Variants in ING5 observed in about 807,000 individuals in gnomAD.
ING5 encodes inhibitor of growth family member 5.
A neutral mutation model predicts 37.4 loss-of-function variants in ING5; 17 were observed. That is an observed-to-expected ratio of 0.45 (90% CI 0.31 to 0.68). The LOEUF is 0.68. Among genes scored for constraint, ING5 ranks in the 30% least tolerant of loss-of-function variants. The probability of loss-of-function intolerance (pLI) is 0.05; values close to 1 mark genes in which losing one functional copy is unlikely to be tolerated. For missense variants in ING5, 233 were observed against 311.9 expected (o/e 0.75, Z 1.91); for synonymous variants, 123 against 116.6 (o/e 1.06, Z -0.36).
At chr2:241,698,164 G>GC (rs2069657927), upstream of ING5, among the ~76,000 whole-genome samples, 1 of 151,156 alleles carries the variant, frequency 6.6e-6, no homozygotes, top group Non-Finnish European at 1.5e-5. Flanking sequence ...AATGTATCGG[G>GC]CCCGCCGTGG....
At chr2:241,720,229 G>C (rs2070396140) in intron 5 of ING5, 1 of 1,231,646 alleles carries the variant, frequency 8.1e-7, no homozygotes, top group African/African-American at 1.6e-5. Flanking sequence ...CCTGCCCCTG[G>C]GCTCTGGAGT....
At chr2:241,720,161 C>T (rs1173226950) in intron 5 of ING5, 8 of 1,236,398 alleles carry the variant, frequency 6.5e-6, no homozygotes, top group East Asian at 6.3e-5. Flanking sequence ...CCTGCCGGGG[C>T]GGGAGTGTGC....
At chr2:241,723,964 C>A in intron 7 of ING5, 3 of 1,244,206 alleles carry the variant, frequency 2.4e-6, no homozygotes, top group South Asian at 2.8e-5. Flanking sequence ...GAGCTGAGAT[C>A]GCGCCACTGC....
upstream of ING5, chr2:241,701,897 C>T (rs951464208): frequency 3.0e-5 from 10 of 332,324 alleles, no homozygotes; most frequent in Non-Finnish European, 4.7e-5. Flanking sequence ...CCGCCCGGGC[C>T]CCGCAGCCCG....
chr2:241,713,477 TCTC>T (rs1174421236), intron 5 of ING5, among the ~76,000 whole-genome samples: 6 of 151,384 alleles, frequency 4.0e-5, no homozygotes. Context: ...TTCAAGCAGT[TCTC>T]CTGCCTGAGC....
At chr2:241,703,942 G>T (rs1457036252) in intron 1 of ING5, among the ~76,000 whole-genome samples, 2 of 152,130 alleles carry the variant, frequency 1.3e-5, no homozygotes, top group Non-Finnish European at 2.9e-5. Context: ...ATAAAGTCGC[G>T]TGGGCAGCGT....
chr2:241,696,445 AAGT>A (rs1346909329), intron 2 of ING5, among the ~76,000 whole-genome samples: 1 of 151,964 alleles, frequency 6.6e-6, no homozygotes, highest in Non-Finnish European at 1.5e-5. Flanking sequence ...ACAGAATGAA[AAGT>A]AGTAGAAAAA....
At chr2:241,693,219 C>T (rs1304747397) in intron 2 of ING5, among the ~76,000 whole-genome samples, 1 of 147,866 alleles carries the variant, frequency 6.8e-6, no homozygotes, top group African/African-American at 2.5e-5. Context: ...CGCCCTATTG[C>T]ACTCCAGCCT....
chr2:241,691,665 G>A lies in ING5; in HGVS notation c.43+1012G>A, dbSNP rs149837746. ...GCCCGACAGATTGCTGCCTGGTACG[G>A]GCTGTCTTTTAGAGTTGCACATAGC... On this transcript the variant is annotated intron_variant, in intron 2 of 7. Transcript: ENST00000636051. 9.9e-4 allele frequency among the ~76,000 whole-genome samples: 150 copies of A among 152,228 alleles called. 1 individual carries two copies. The highest frequency in any genetic ancestry group is 3.3e-3 in the African/African-American group (138 of 41,536).
At chr2:241,706,245 T>C (rs1470809343) in intron 2 of ING5, among the ~76,000 whole-genome samples, 1 of 152,168 alleles carries the variant, frequency 6.6e-6, no homozygotes, top group Admixed American at 6.6e-5. Context: ...CCCTCTTCCC[T>C]GAATCTTAAA....
At chr2:241,724,775 ATC>A in intron 7 of ING5, 1 of 586,570 alleles carries the variant, frequency 1.7e-6, no homozygotes, top group South Asian at 2.0e-5. Flanking sequence ...TTGATGGTGT[ATC>A]TGTCAGCTTC....
At chr2:241,687,190 C>T (rs1210686582) in exon 1 of ING5, 3 of 394,550 alleles carry the variant, frequency 7.6e-6, no homozygotes, top group African/African-American at 6.2e-5. Context: ...CTCTCGTTGG[C>T]CCCTGGCTGC....
chr2:241,704,725 G>T lies in ING5; in HGVS notation c.109+1G>T. ...CGAGAGCTGGACCAGAGGACGGAAG[G>T]TGGGTTCAGACCTCTCCATACAACC... On this transcript the variant is annotated splice_donor_variant, in intron 2 of 7. Transcript: ENST00000313552. LOFTEE classifies it high-confidence loss of function. 2 of 1,612,874 alleles carry T rather than the reference G, an allele frequency of 1.2e-6. No homozygotes were observed. Among genetic ancestry groups the T allele is most frequent in the Non-Finnish European group, 1.7e-6 (2 of 1,178,846 alleles).
chr2:241,721,553 G>C (rs1201814656), intron 5 of ING5: 7 of 985,336 alleles, frequency 7.1e-6, no homozygotes, highest in Non-Finnish European at 8.4e-6. Context: ...CCAAGGAAAA[G>C]CTGAGTGTTG....
intron 3 of ING5, 139 bp downstream of exon 3, chr2:241,709,521 G>A (rs1260868257): frequency 2.4e-5 from 18 of 734,964 alleles, no homozygotes; most frequent in Admixed American, 1.6e-4. Flanking sequence ...TGGAGGAAGT[G>A]CAGACGGAAT....
At chr2:241,724,318 G>C (rs188625267) in intron 7 of ING5, among the ~76,000 whole-genome samples, 2 of 152,332 alleles carry the variant, frequency 1.3e-5, no homozygotes, top group African/African-American at 4.8e-5. Context: ...GGTGCCCCAC[G>C]CCGTGCGGCT....
At chr2:241,702,017 C>T (rs1273969932), upstream of ING5, 15 of 1,327,826 alleles carry the variant, frequency 1.1e-5, no homozygotes, top group Admixed American at 7.7e-5. Context: ...CCCCCGCCTC[C>T]CGCGGCACCG....
chr2:241,726,614 G>C lies in ING5; in HGVS notation c.*1583G>C, dbSNP rs995602150. 35 of 152,496 alleles carry C rather than the reference G, an allele frequency of 2.3e-4. No homozygotes were observed. The highest frequency in any genetic ancestry group is 8.0e-4 in the African/African-American group (33 of 41,438). The allele number at this position is 152,496 out of a possible 1,614,324, so 9.4% of individuals were successfully genotyped here. Reference sequence around the variant, plus strand: ...GTGGATCCTCCGGGCGCAGGTGCCAGGCAGGTGCAGGCGGGCGGTCGGCCA... The same window carrying C: ...GTGGATCCTCCGGGCGCAGGTGCCACGCAGGTGCAGGCGGGCGGTCGGCCA... On this transcript the variant is annotated 3_prime_UTR_variant, in exon 8 of 8. Transcript: ENST00000313552.
At chr2:241,722,605 T>A (rs1424084584) in intron 5 of ING5, 1 of 985,122 alleles carries the variant, frequency 1.0e-6, no homozygotes, top group East Asian at 1.1e-4. Context: ...TTGCTGCGCC[T>A]TCTTAGAACA....
Sources: gnomAD v4.1 joint callset for allele counts (sites outside exome capture counted in the v4.1 genomes callset) on GRCh38, gnomAD v4.1.1 for gene constraint, MANE v1.5 for transcripts, NCBI Gene and HGNC (gene_info 2026-07-23, HGNC 2026-07-21) for gene names.